The following UGT1A9 variants were observed in gnomAD, a reference collection of about 807,000 sequenced individuals.
The protein encoded by UGT1A9 is UDP-glucuronosyltransferase 1A9.
UGT1A9 carries 35 observed loss-of-function variants against 45.0 expected under a neutral mutation model. The ratio of observed to expected loss-of-function variants is 0.78; its 90% CI spans 0.59 to 1.03. The LOEUF (loss-of-function observed/expected upper bound fraction) is 1.03, where lower values mean the gene tolerates loss of function less well. Among genes scored for constraint, UGT1A9 ranks in the 50% least tolerant of loss-of-function variants. The pLI is 0.00. For missense variants in UGT1A9, 687 were observed against 666.6 expected, an observed-to-expected ratio of 1.03 and a Z score of -0.34; for synonymous variants, 278 against 250.6, an observed-to-expected ratio of 1.11 and a Z score of -1.03.
intron 1 of UGT1A9, among the ~76,000 whole-genome samples, chr2:233,715,827 T>C (rs1034549084): frequency 6.6e-6 from 1 of 152,092 alleles, no homozygotes; most frequent in African/African-American, 2.4e-5. Flanking sequence ...TTAGAAAACA[T>C]TTTTTTAAAA....
intron 1 of UGT1A9, among the ~76,000 whole-genome samples, chr2:233,733,964 G>T (rs1371288114): frequency 2.0e-5 from 3 of 152,056 alleles, no homozygotes; most frequent in Admixed American, 1.3e-4. Flanking sequence ...TGTGGGGTAG[G>T]GGGAGCGGGG....
At chr2:233,679,924 T>C (rs1292357581) in intron 1 of UGT1A9, among the ~76,000 whole-genome samples, 1 of 152,168 alleles carries the variant, frequency 6.6e-6, no homozygotes, top group African/African-American at 2.4e-5. Context: ...GAGACAAAAA[T>C]GTATTTCACA....
chr2:233,756,999 G>C (rs889615552), intron 1 of UGT1A9, among the ~76,000 whole-genome samples: 1 of 151,918 alleles, frequency 6.6e-6, no homozygotes, highest in African/African-American at 2.4e-5. Context: ...AGCTGGCCAA[G>C]GGTAGAGTTC....
rs985684086 is a variant in UGT1A9 at position 233,766,924 on chromosome 2, A to C, written c.856-110A>C. 8.4e-5 allele frequency: 132 copies of C among 1,565,450 alleles called. 1 individual carries two copies. In the Middle Eastern group the frequency reaches 1.0e-3, roughly 12 times the overall value. ...ATTTTTTACTCTATCTCAAACACGCATGCCTTTAATCATAGTCTTAAGAGG... is the reference window on the plus strand; with the variant it reads ...ATTTTTTACTCTATCTCAAACACGCCTGCCTTTAATCATAGTCTTAAGAGG... On this transcript the variant is annotated intron_variant, in intron 1 of 4. Coordinates refer to ENST00000354728, the MANE Select transcript of UGT1A9 (RefSeq NM_021027.3).
At chr2:233,750,454 C>A (rs1301530948) in intron 1 of UGT1A9, among the ~76,000 whole-genome samples, 2 of 151,940 alleles carry the variant, frequency 1.3e-5, no homozygotes, top group Non-Finnish European at 2.9e-5. Flanking sequence ...TTCAAACCAG[C>A]TACAGAAATA....
intron 1 of UGT1A9, chr2:233,719,161 T>A (rs2076731921): frequency 6.2e-7 from 1 of 1,614,132 alleles, no homozygotes; most frequent in Non-Finnish European, 8.5e-7. Context: ...TCTAGAAGTA[T>A]GGCAATTATG....
chr2:233,740,930 T>G (rs1298950917), intron 1 of UGT1A9: 2 of 151,696 alleles, frequency 1.3e-5, no homozygotes, highest in African/African-American at 2.4e-5. Flanking sequence ...ACAAAAAGTT[T>G]TTTTTTTAAT....
At chr2:233,743,095 G>C (rs1692201542) in intron 1 of UGT1A9, 3 of 349,024 alleles carry the variant, frequency 8.6e-6, no homozygotes, top group African/African-American at 6.5e-5. Flanking sequence ...ATAAATTCTT[G>C]GGTACAGCTG....
chr2:233,695,224 C>T (rs1201439974), intron 1 of UGT1A9, among the ~76,000 whole-genome samples: 1 of 151,202 alleles, frequency 6.6e-6, no homozygotes, highest in East Asian at 2.0e-4. Context: ...CTCCTGGGTT[C>T]AAGCGATTCT....
rs1700558646 is a variant in UGT1A9, at chr2:233,772,951, T to C, written c.*392T>C. The stretch of plus-strand genomic sequence containing the variant: ...AATCTTATCTTTTGGCTTCTGCAGA[T>C]GGTTGCAATTGATCCTTAACCAATA... On this transcript the variant is annotated 3_prime_UTR_variant, in exon 5 of 5. Transcript: ENST00000354728. 1 of 322,076 alleles carries C rather than the reference T, an allele frequency of 3.1e-6. No homozygotes were observed. Among genetic ancestry groups the C allele is most frequent in the South Asian group, 3.1e-5 (1 of 32,036 alleles). The allele number at this position is 322,076 out of a possible 1,614,324, so 20.0% of individuals were successfully genotyped here. A position where few individuals can be genotyped will look rare whatever the true frequency, so the allele number is the denominator to read the frequency against.
At position 233,766,967 on chromosome 2, in the gene UGT1A9, A is replaced by G. The variant is rs907752763; in HGVS notation, c.856-67A>G. The G allele has an allele frequency of 1.5e-5, 24 of 1,609,126 alleles. No homozygotes were observed. The African/African-American group carries it at 3.1e-4, about 21-fold the overall frequency. On this transcript the variant is annotated intron_variant, in intron 1 of 4. Coordinates refer to ENST00000354728, the MANE Select transcript of UGT1A9 (RefSeq NM_021027.3). Reference sequence around the variant, plus strand: ...TTAAGAGGAAGATATCTAATTCATAACTTACTGTATGTAGTCATCAAAGAA... The same window carrying G: ...TTAAGAGGAAGATATCTAATTCATAGCTTACTGTATGTAGTCATCAAAGAA...
chr2:233,724,362 A>G (rs1231465010), intron 1 of UGT1A9, among the ~76,000 whole-genome samples: 2 of 144,194 alleles, frequency 1.4e-5, no homozygotes, highest in Non-Finnish European at 1.5e-5. Flanking sequence ...TCCCTCCCGG[A>G]CGGGGTGGCT....
chr2:233,686,249 A>AT (rs142649436), intron 1 of UGT1A9, among the ~76,000 whole-genome samples: 328 of 149,594 alleles, frequency 2.2e-3, no homozygotes, highest in Admixed American at 5.4e-3. Context: ...GGTTTCTGAG[A>AT]TTTTTTTTTT....
intron 1 of UGT1A9, chr2:233,713,168 G>A (rs773495849): frequency 1.2e-6 from 2 of 1,614,212 alleles, no homozygotes; most frequent in South Asian, 2.2e-5. Flanking sequence ...ACCAGGTGGT[G>A]GTCCTCACCC....
chr2:233,682,311 G>A (rs770311542), intron 1 of UGT1A9: 2 of 1,613,908 alleles, frequency 1.2e-6, no homozygotes, highest in East Asian at 2.2e-5. Context: ...TCAAATTGCA[G>A]GAGTTTGTTT....
chr2:233,691,628 G>A (rs10445704), intron 1 of UGT1A9: 398,723 of 985,222 alleles, frequency 0.4, 81,149 homozygotes, highest in South Asian at 0.46. Context: ...CAGCAGTGTG[G>A]TTAGCAGGCA....
At chr2:233,674,613 C>T (rs1266868243) in intron 1 of UGT1A9, among the ~76,000 whole-genome samples, 1 of 151,192 alleles carries the variant, frequency 6.6e-6, no homozygotes, top group Non-Finnish European at 1.5e-5. Context: ...AAACATCAAA[C>T]TATATATGGT....
At chr2:233,714,333 C>G (rs2076379859) in intron 1 of UGT1A9, among the ~76,000 whole-genome samples, 2 of 152,268 alleles carry the variant, frequency 1.3e-5, no homozygotes. Flanking sequence ...GAGACCTAAG[C>G]ACTCAGAGGA....
At chr2:233,743,500 G>A (rs1692320466) in intron 1 of UGT1A9, 2 of 1,367,072 alleles carry the variant, frequency 1.5e-6, no homozygotes. Flanking sequence ...AGAGAAAAGG[G>A]GTGCAGACGC....
Sources: allele counts gnomAD v4.1 joint callset (sites outside exome capture counted in the v4.1 genomes callset), GRCh38; gene constraint gnomAD v4.1.1; transcripts MANE v1.5; gene names NCBI Gene and HGNC (gene_info 2026-07-23, HGNC 2026-07-21).